NEK4: variants seen among roughly 807,000 people sequenced by gnomAD.
NEK4 encodes the protein NIMA related kinase 4.
In NEK4, 86 loss-of-function variants were observed where a neutral mutation model predicts 98.4. The observed-to-expected ratio is 0.87, with a 90% CI of 0.73 to 1.05. NEK4 has a LOEUF of 1.05. NEK4 is among the 50% of genes least tolerant of loss of function. The probability of loss-of-function intolerance (pLI) is 0.00; values close to 1 mark genes in which losing one functional copy is unlikely to be tolerated. For synonymous variants in NEK4, 328 were observed against 342.2 expected (o/e 0.96, Z 0.46); for missense variants, 898 against 950.3 (o/e 0.94, Z 0.72).
intron 6 of NEK4, among the ~76,000 whole-genome samples, chr3:52,758,613 CATT>C (rs968026497): frequency 7.4e-5 from 11 of 148,566 alleles, no homozygotes; most frequent in African/African-American, 2.7e-4. Flanking sequence ...GTGAAAAGGA[CATT>C]ATCAAGAAAG....
intron 15 of NEK4, among the ~76,000 whole-genome samples, chr3:52,717,027 G>A (rs1001415839): frequency 2.0e-5 from 3 of 152,176 alleles, no homozygotes; most frequent in African/African-American, 7.2e-5. Flanking sequence ...TCAGGAGGGT[G>A]CAGGCAAGAA....
rs1231914806 is a variant in NEK4 at position 52,737,738 on chromosome 3, G to A, written c.2300-19C>T. 1.3e-6 allele frequency: 2 copies of A among 1,583,502 alleles called. No homozygotes were observed. Among genetic ancestry groups the A allele is most frequent in the African/African-American group, 1.4e-5 (1 of 73,576 alleles). ...ATAATAGCTAAAAGGCAACAACAAA[G>A]ACAAAGGGAAAAATAAACACTTTTA... On this transcript the variant is annotated intron_variant, in intron 14 of 15. Coordinates refer to ENST00000233027, the MANE Select transcript of NEK4 (RefSeq NM_003157.6).
intron 6 of NEK4, chr3:52,754,371 T>A: frequency 4.7e-6 from 2 of 427,590 alleles, no homozygotes; most frequent in Non-Finnish European, 9.4e-6. Context: ...GCAGGGAGAG[T>A]TTTCTACAAG....
chr3:52,746,611 T>C (rs1027285713), intron 9 of NEK4, 123 bp downstream of exon 9: 2 of 839,614 alleles, frequency 2.4e-6, no homozygotes, highest in South Asian at 1.8e-5. Context: ...CATCTTGCCA[T>C]TGTCACCCTT....
chr3:52,764,015 T>C (rs1246818924), intron 4 of NEK4, among the ~76,000 whole-genome samples: 1 of 152,242 alleles, frequency 6.6e-6, no homozygotes, highest in Admixed American at 6.5e-5. Flanking sequence ...CCAGTCGCAG[T>C]GGCTTACGCC....
At chr3:52,753,600 CA>C in intron 6 of NEK4, 3 of 570,888 alleles carry the variant, frequency 5.3e-6, no homozygotes, top group Non-Finnish European at 1.1e-5. Flanking sequence ...GCAGGGGATG[CA>C]AAAACCAGTC....
chr3:52,764,047 G>T (rs1391833679), intron 4 of NEK4, among the ~76,000 whole-genome samples: 1 of 152,232 alleles, frequency 6.6e-6, no homozygotes, highest in Non-Finnish European at 1.5e-5. Flanking sequence ...CACTTTGGGA[G>T]GCCGAGGCAG....
At chr3:52,766,058 A>T in intron 3 of NEK4, 64 bp from the exon 4 acceptor site, 1 of 1,459,014 alleles carries the variant, frequency 6.9e-7, no homozygotes, top group Non-Finnish European at 9.5e-7. Flanking sequence ...TTTTCCCTTT[A>T]AAAAAAGAAA....
chr3:52,743,313 T>G (rs1294719221), intron 12 of NEK4, 39 bp downstream of exon 12: 1 of 1,521,396 alleles, frequency 6.6e-7, no homozygotes, highest in Non-Finnish European at 9.1e-7. Context: ...CTGCCAGATG[T>G]AGACTGTCCA....
intron 7 of NEK4, among the ~76,000 whole-genome samples, chr3:52,750,934 T>C (rs1015125505): frequency 2.0e-5 from 3 of 152,098 alleles, no homozygotes; most frequent in African/African-American, 7.2e-5. Flanking sequence ...CTCAAAAAAT[T>C]AAAAAATGAA....
chr3:52,741,115 G>C (rs1251315893), intron 13 of NEK4, among the ~76,000 whole-genome samples: 2 of 151,716 alleles, frequency 1.3e-5, no homozygotes, highest in East Asian at 2.0e-4. Flanking sequence ...GGACGCCTGT[G>C]GTCCCAGCTA....
chr3:52,711,774 T>C lies in NEK4; in HGVS notation c.*3A>G, dbSNP rs1266792132. The stretch of plus-strand genomic sequence containing the variant: ...AATTCTGGCAGCAGATTAGGACAAA[T>C]GCTCAAAAATTCATGTTTTCTTCAA... On this transcript the variant is annotated 3_prime_UTR_variant, in exon 16 of 16. Coordinates refer to ENST00000233027, the MANE Select transcript of NEK4 (RefSeq NM_003157.6). The C allele has an allele frequency of 2.5e-6, 4 of 1,590,484 alleles. No individual in the cohort carries two copies. Among genetic ancestry groups the C allele is most frequent in the Non-Finnish European group, 3.4e-6 (4 of 1,159,512 alleles).
At chr3:52,770,613 C>CT in intron 1 of NEK4, 41 bp downstream of exon 1, 1 of 1,479,448 alleles carries the variant, frequency 6.8e-7, no homozygotes, top group Non-Finnish European at 9.2e-7. Flanking sequence ...CGGCGCACTT[C>CT]TGCCCGCCCC....
At chr3:52,745,986 G>C in intron 10 of NEK4, 75 bp downstream of exon 10, 2 of 1,363,828 alleles carry the variant, frequency 1.5e-6, no homozygotes, top group Non-Finnish European at 1.0e-6. Flanking sequence ...GCCTCCCAAA[G>C]TGCTGGGATT....
At chr3:52,763,842 T>C (rs1048983419) in intron 4 of NEK4, among the ~76,000 whole-genome samples, 3 of 152,268 alleles carry the variant, frequency 2.0e-5, no homozygotes, top group Admixed American at 6.5e-5. Flanking sequence ...TCCCATCTGA[T>C]GACACTCTCA....
Position 52,746,868 on chromosome 3 carries a change from C to T in NEK4, c.1543G>A (p.Gly515Ser), listed in dbSNP as rs1561313198. ...GGCTGTAAATCTGGGTGGATTCTGC[C>T]CTGTTTTTCTATAATACATTCACCA... ...VAGECIIEKQ[G>S]RIHPDLQPHN... Residue 515 changes from glycine (G) to serine (S), a missense_variant, in exon 9 of 16, where the codon GGC (glycine) becomes AGC (serine). Coordinates refer to ENST00000233027, the MANE Select transcript of NEK4 (RefSeq NM_003157.6). 6.2e-7 allele frequency: 1 copy of T among 1,613,822 alleles called. No homozygotes were observed. Among genetic ancestry groups the T allele is most frequent in the Non-Finnish European group, 8.5e-7 (1 of 1,179,930 alleles).
chr3:52,768,538 CT>C lies in NEK4; in HGVS notation c.159del (p.Ala54ProfsTer7). 3 of 1,614,204 alleles carry C rather than the reference CT, an allele frequency of 1.9e-6. No homozygotes were observed. Among genetic ancestry groups the C allele is most frequent in the Non-Finnish European group, 2.5e-6 (3 of 1,180,028 alleles). On this transcript the variant is annotated frameshift_variant, in exon 2 of 16. Transcript: ENST00000233027. LOFTEE classifies it high-confidence loss of function. ...SSRERRAAEQ[E>X]AQLLSQLKHP... is the part of the protein sequence containing the mutation. Reference sequence around the variant, plus strand: ...TGCTTCAACTGAGACAAGAGCTGGGCTTCCTGTTCAGCAGCTCGCCGCTCTC... The same window carrying C: ...TGCTTCAACTGAGACAAGAGCTGGGCTCCTGTTCAGCAGCTCGCCGCTCTC...
Position 52,768,542 on chromosome 3 carries a change from C to T in NEK4, c.156G>A (p.Gln52=). ...ASSRERRAAE[Q]EAQLLSQLKH... Reference sequence around the variant, plus strand: ...TCAACTGAGACAAGAGCTGGGCTTCCTGTTCAGCAGCTCGCCGCTCTCGGC... The same window carrying T: ...TCAACTGAGACAAGAGCTGGGCTTCTTGTTCAGCAGCTCGCCGCTCTCGGC... Residue 52 remains glutamine (Q), a synonymous_variant, in exon 2 of 16, where the codon CAG becomes CAA. Coordinates refer to ENST00000233027, the MANE Select transcript of NEK4 (RefSeq NM_003157.6). The T allele has an allele frequency of 1.2e-6, 2 of 1,614,204 alleles. No individual in the cohort carries two copies. Among genetic ancestry groups the T allele is most frequent in the Non-Finnish European group, 1.7e-6 (2 of 1,180,018 alleles).
In NEK4 at chr3:52,770,876, G is replaced by T. The variant is rs991980294; in HGVS notation, c.-130C>A. 5.4e-6 allele frequency: 4 copies of T among 747,254 alleles called. No individual in the cohort carries two copies. The African/African-American group carries it at 6.2e-5, about 12-fold the overall frequency. 46.3% of individuals were successfully genotyped at this position (747,254 alleles called of 1,614,324 possible). ...GCTGTTGAGGCAGCCGGGCCCGGGC[G>T]GGATTGCTGGGGCCCGGCCCGCGAC... On this transcript the variant is annotated 5_prime_UTR_variant, in exon 1 of 16. Transcript: ENST00000233027.
Sources: gnomAD v4.1 joint callset for allele counts (sites outside exome capture counted in the v4.1 genomes callset) on GRCh38, gnomAD v4.1.1 for gene constraint, MANE v1.5 for transcripts, NCBI Gene and HGNC (gene_info 2026-07-23, HGNC 2026-07-21) for gene names.